The following KIAA1217 variants were observed in gnomAD, a reference collection of about 807,000 sequenced individuals.
The protein encoded by KIAA1217 is KIAA1217.
In KIAA1217, 88 loss-of-function variants were observed where a neutral mutation model predicts 163.9. The ratio of observed to expected loss-of-function variants is 0.54; its 90% CI spans 0.45 to 0.64. KIAA1217 has a LOEUF of 0.64. Ranked by LOEUF, KIAA1217 falls within the 30% of genes least tolerant of loss-of-function variation. The probability of loss-of-function intolerance (pLI) is 0.00; values close to 1 mark genes in which losing one functional copy is unlikely to be tolerated. For synonymous variants in KIAA1217, 903 were observed against 923.1 expected, an observed-to-expected ratio of 0.98 and a Z score of 0.39; for missense variants, 2,372 against 2,475.0, an observed-to-expected ratio of 0.96 and a Z score of 0.88.
At chr10:23,783,786 C>G (rs1434164782) in intron 1 of KIAA1217, among the ~76,000 whole-genome samples, 1 of 151,816 alleles carries the variant, frequency 6.6e-6, no homozygotes, top group Non-Finnish European at 1.5e-5. Flanking sequence ...TGATTCAATC[C>G]TAGTAGGTTG....
intron 3 of KIAA1217, among the ~76,000 whole-genome samples, chr10:24,396,873 C>T (rs1029847502): frequency 1.3e-5 from 2 of 152,160 alleles, no homozygotes; most frequent in African/African-American, 4.8e-5. Flanking sequence ...TCAGTGGCGC[C>T]ACTTCAGATT....
intron 2 of KIAA1217, among the ~76,000 whole-genome samples, chr10:24,196,159 A>T (rs1441095607): frequency 6.6e-6 from 1 of 151,892 alleles, no homozygotes; most frequent in Non-Finnish European, 1.5e-5. Context: ...ACACACACAC[A>T]CACACACACA....
At chr10:24,485,085 C>T (rs2065212330) in intron 6 of KIAA1217, among the ~76,000 whole-genome samples, 2 of 138,774 alleles carry the variant, frequency 1.4e-5, no homozygotes, top group Admixed American at 1.4e-4. Context: ...GTTGGACCTG[C>T]CCGCTTTTTT....
intron 9 of KIAA1217, among the ~76,000 whole-genome samples, chr10:24,503,631 C>G (rs1192824221): frequency 6.6e-6 from 1 of 152,142 alleles, no homozygotes; most frequent in Admixed American, 6.5e-5. Flanking sequence ...ATATTTCAAG[C>G]AAATCTGGAG....
chr10:24,129,023 C>T (rs913028723), intron 2 of KIAA1217, among the ~76,000 whole-genome samples: 1 of 152,142 alleles, frequency 6.6e-6, no homozygotes, highest in Non-Finnish European at 1.5e-5. Context: ...TATTTTCCCT[C>T]TTTGTATAGG....
At chr10:24,455,574 A>G (rs1014231274) in intron 5 of KIAA1217, among the ~76,000 whole-genome samples, 1 of 152,248 alleles carries the variant, frequency 6.6e-6, no homozygotes. Flanking sequence ...GAGCCTCTAA[A>G]CACATATCTT....
intron 13 of KIAA1217, among the ~76,000 whole-genome samples, chr10:24,527,194 G>A (rs1049370093): frequency 6.6e-6 from 1 of 151,918 alleles, no homozygotes; most frequent in Non-Finnish European, 1.5e-5. Flanking sequence ...GACCCAGAGG[G>A]CATATAGCAA....
chr10:24,269,479 G>A (rs1341549659), intron 2 of KIAA1217, among the ~76,000 whole-genome samples: 4 of 152,096 alleles, frequency 2.6e-5, no homozygotes, highest in East Asian at 3.9e-4. Flanking sequence ...AGCCATGACC[G>A]TGCCACTGTA....
chr10:24,162,200 C>A (rs1377548202), intron 2 of KIAA1217, among the ~76,000 whole-genome samples: 1 of 152,184 alleles, frequency 6.6e-6, no homozygotes, highest in African/African-American at 2.4e-5. Flanking sequence ...TGTAACAGGG[C>A]AGGGAAAGAA....
chr10:23,822,697 C>T (rs1321743392), intron 1 of KIAA1217, among the ~76,000 whole-genome samples: 2 of 152,128 alleles, frequency 1.3e-5, no homozygotes, highest in African/African-American at 4.8e-5. Flanking sequence ...CCCTTGATTG[C>T]TTAAAGAAAC....
rs1283299084 is a variant in KIAA1217, at chr10:23,695,996, C to A, written c.-321+762C>A. On this transcript the variant is annotated intron_variant, in intron 1 of 18. Transcript: ENST00000376462. The surrounding 1 kb of genome is among the most constrained non-coding windows in gnomAD (Gnocchi z 4.9). ...TCCCCGCTCGCCGCTCTCCCCGCGC[C>A]GCTGCGGGTCCTCCGAGACCCCGGA... 6.6e-6 allele frequency among the ~76,000 whole-genome samples: 1 copy of A among 152,212 alleles called. No individual in the cohort carries two copies. Among genetic ancestry groups the A allele is most frequent in the Non-Finnish European group, 1.5e-5 (1 of 68,042 alleles).
chr10:23,967,790 A>T (rs1037888594), intron 1 of KIAA1217, among the ~76,000 whole-genome samples: 3 of 152,094 alleles, frequency 2.0e-5, no homozygotes, highest in Non-Finnish European at 4.4e-5. Flanking sequence ...TTTAGAGGTG[A>T]ATATTTACAT....
At chr10:24,307,859 A>G (rs1305727526) in intron 2 of KIAA1217, among the ~76,000 whole-genome samples, 2 of 152,190 alleles carry the variant, frequency 1.3e-5, no homozygotes, top group East Asian at 3.9e-4. Context: ...CATGCCATTC[A>G]TTGTGGAGGC....
chr10:24,211,116 T>C (rs1222827927), intron 1 of KIAA1217, among the ~76,000 whole-genome samples: 1 of 152,044 alleles, frequency 6.6e-6, no homozygotes, highest in Admixed American at 6.6e-5. Context: ...GGAAAAGGAA[T>C]AAGGAGTGAA....
At chr10:24,428,529 C>T (rs1034014962) in intron 3 of KIAA1217, among the ~76,000 whole-genome samples, 3 of 152,066 alleles carry the variant, frequency 2.0e-5, no homozygotes, top group Non-Finnish European at 4.4e-5. Context: ...GGATACAAAC[C>T]AAGGGCGAGG....
At chr10:24,368,802 G>A (rs1199938777) in intron 2 of KIAA1217, 2 of 974,278 alleles carry the variant, frequency 2.1e-6, no homozygotes, top group South Asian at 4.8e-5. Flanking sequence ...AGGAAGCTGA[G>A]CCATCTAGAA....
intron 1 of KIAA1217, among the ~76,000 whole-genome samples, chr10:23,940,157 T>TA (rs1414612757): frequency 5.3e-5 from 8 of 152,176 alleles, no homozygotes; most frequent in Non-Finnish European, 1.2e-4. Flanking sequence ...TTCACAATTA[T>TA]AATTAGAAAT....
intron 11 of KIAA1217, 111 bp from the exon 12 acceptor site, chr10:24,521,671 C>T: frequency 1.5e-6 from 2 of 1,322,858 alleles, no homozygotes; most frequent in Non-Finnish European, 1.0e-6. Context: ...ATGTGTGAGC[C>T]ACCCTGTGGC....
chr10:24,499,017 G>T (rs1287545891), intron 8 of KIAA1217, among the ~76,000 whole-genome samples: 2 of 152,168 alleles, frequency 1.3e-5, no homozygotes, highest in Non-Finnish European at 2.9e-5. Context: ...TTAGCAGAAT[G>T]GTTCTTAGTA....
Sources: gnomAD v4.1 joint callset for allele counts (sites outside exome capture counted in the v4.1 genomes callset) on GRCh38, gnomAD v4.1.1 for gene constraint, Gnocchi (gnomAD v3.1) non-coding constraint, MANE v1.5 for transcripts, NCBI Gene and HGNC (gene_info 2026-07-23, HGNC 2026-07-21) for gene names.